KCNH8: variants seen among roughly 807,000 people sequenced by gnomAD.
KCNH8 encodes voltage-gated delayed rectifier potassium channel KCNH8.
A neutral mutation model predicts 103.6 loss-of-function variants in KCNH8; 70 were observed. The observed-to-expected ratio is 0.68, with a 90% confidence interval of 0.56 to 0.82. KCNH8 has a LOEUF of 0.82. Among genes scored for constraint, KCNH8 ranks in the 40% least tolerant of loss-of-function variants. KCNH8 has a pLI of 0.00. For synonymous variants in KCNH8, 498 were observed against 489.4 expected, an observed-to-expected ratio of 1.02 and a Z score of -0.23; for missense variants, 1,217 against 1,329.9, an observed-to-expected ratio of 0.92 and a Z score of 1.32.
intron 7 of KCNH8, among the ~76,000 whole-genome samples, chr3:19,406,830 A>T (rs1312858676): frequency 6.6e-6 from 1 of 152,126 alleles, no homozygotes; most frequent in Non-Finnish European, 1.5e-5. Flanking sequence ...GAGTGTTATA[A>T]AATTAAGAGT....
chr3:19,505,029 GTATATATATACAC>G (rs1038639819), intron 11 of KCNH8, among the ~76,000 whole-genome samples: 25 of 149,420 alleles, frequency 1.7e-4, no homozygotes, highest in African/African-American at 5.9e-4. Context: ...ATATGTATGT[GTATATATATACAC>G]TATATATATA....
chr3:19,291,471 A>G (rs1023800821), intron 3 of KCNH8, among the ~76,000 whole-genome samples: 1 of 152,184 alleles, frequency 6.6e-6, no homozygotes, highest in Non-Finnish European at 1.5e-5. Flanking sequence ...TTCAAAGAAC[A>G]TCTTTATTTC....
At chr3:19,424,216 A>G (rs1018675953) in intron 7 of KCNH8, among the ~76,000 whole-genome samples, 2 of 152,152 alleles carry the variant, frequency 1.3e-5, no homozygotes, top group Non-Finnish European at 2.9e-5. Flanking sequence ...AAGGCTATAC[A>G]ACAGGCTATA....
intron 11 of KCNH8, among the ~76,000 whole-genome samples, chr3:19,491,527 A>G (rs1185892189): frequency 1.3e-5 from 2 of 152,142 alleles, no homozygotes; most frequent in Admixed American, 1.3e-4. Flanking sequence ...TTATGACTGT[A>G]TTACTATGGT....
At chr3:19,212,419 A>G (rs2063779950) in intron 1 of KCNH8, among the ~76,000 whole-genome samples, 4 of 152,096 alleles carry the variant, frequency 2.6e-5, no homozygotes, top group Admixed American at 2.6e-4. Flanking sequence ...CCACTTTCCA[A>G]CAGATGGTTG....
chr3:19,159,456 A>G (rs1219201856), intron 1 of KCNH8, among the ~76,000 whole-genome samples: 2 of 151,998 alleles, frequency 1.3e-5, no homozygotes, highest in African/African-American at 2.4e-5. Context: ...CTACACACCC[A>G]TATTTGTGCC....
chr3:19,375,082 T>G (rs2125119764), intron 5 of KCNH8, among the ~76,000 whole-genome samples: 1 of 151,730 alleles, frequency 6.6e-6, no homozygotes, highest in South Asian at 2.1e-4. Flanking sequence ...CAATTATGTG[T>G]CTTGGAGTTG....
rs900812222 is a variant in KCNH8 at position 19,445,399 on chromosome 3, G to T, written c.1376-4707G>T. Among the ~76,000 whole-genome samples, 8 of 151,892 alleles carry T rather than the reference G, an allele frequency of 5.3e-5. No homozygotes were observed. In the East Asian group the frequency reaches 1.5e-3, roughly 29 times the overall value. On this transcript the variant is annotated intron_variant, in intron 8 of 15. Coordinates refer to ENST00000328405, the MANE Select transcript of KCNH8 (RefSeq NM_144633.3). ...TTGGTTTATTTATCTCGGGTGGTGG[G>T]AGGTAGTGATTCTATAGCTATGTTT...
intron 3 of KCNH8, among the ~76,000 whole-genome samples, chr3:19,330,129 A>G (rs1021355857): frequency 1.3e-5 from 2 of 152,080 alleles, no homozygotes; most frequent in East Asian, 3.9e-4. Context: ...ACCACGCATA[A>G]TGTGTGTAAT....
chr3:19,258,571 C>T (rs1275302449), intron 2 of KCNH8, among the ~76,000 whole-genome samples: 5 of 151,930 alleles, frequency 3.3e-5, no homozygotes, highest in Non-Finnish European at 7.4e-5. Context: ...TACCTGAATC[C>T]TGAACTTAAC....
intron 2 of KCNH8, among the ~76,000 whole-genome samples, chr3:19,266,075 C>G (rs1342920263): frequency 1.3e-5 from 2 of 152,034 alleles, no homozygotes; most frequent in African/African-American, 4.8e-5. Flanking sequence ...CCTGCAATCC[C>G]CAAGTGTGCA....
chr3:19,533,669 C>T lies in KCNH8; in HGVS notation c.2894C>T (p.Ser965Phe). The T allele has an allele frequency of 6.2e-7, 1 of 1,614,098 alleles. No homozygotes were observed. The change falls in exon 16 of 16, where the codon TCT becomes TTT. Residue 965 changes from serine to phenylalanine, a missense_variant. Around this residue, in one of 3 missense-constraint regions of KCNH8, gnomAD observed 558 missense variants for 495.8 expected, o/e 1.13. Coordinates refer to ENST00000328405, the MANE Select transcript of KCNH8 (RefSeq NM_144633.3). ...TSDIWSVDPS[S>F]VGSSPQRTGA... ...GACATTTGGAGTGTGGATCCCTCCT[C>T]TGTGGGGAGCAGCCCCCAACGAACT...
chr3:19,491,643 T>G (rs931908495), intron 11 of KCNH8, among the ~76,000 whole-genome samples: 3 of 152,218 alleles, frequency 2.0e-5, no homozygotes, highest in African/African-American at 7.2e-5. Context: ...AGTGCAGCAA[T>G]GAACATATGA....
intron 5 of KCNH8, among the ~76,000 whole-genome samples, chr3:19,368,717 CT>C (rs1365272594): frequency 2.6e-5 from 4 of 151,846 alleles, no homozygotes; most frequent in African/African-American, 9.7e-5. Context: ...TAAATTTATG[CT>C]GCGTATTTGA....
At chr3:19,459,702 T>C (rs749928420) in intron 11 of KCNH8, among the ~76,000 whole-genome samples, 1 of 152,120 alleles carries the variant, frequency 6.6e-6, no homozygotes, top group African/African-American at 2.4e-5. Context: ...CTTTCCCCTA[T>C]GTTTTCTTTT....
In KCNH8 at chr3:19,531,821, G is replaced by GA. The variant is rs755679651; in HGVS notation, c.2620-1574_2620-1573insA. ...TTGAATGAATCTTCAGTTCAATGAA[G>GA]TTGAACTACCTCTTTTTGTTTCCTG... is the stretch of plus-strand genomic sequence containing the variant. On this transcript the variant is annotated intron_variant, in intron 15 of 15. Coordinates refer to ENST00000328405, the MANE Select transcript of KCNH8 (RefSeq NM_144633.3). Among the ~76,000 whole-genome samples, 740 of 152,306 alleles carry GA rather than the reference G, an allele frequency of 4.9e-3. 3 individuals are homozygous for GA. Among genetic ancestry groups the GA allele is most frequent in the Non-Finnish European group, 7.7e-3 (527 of 68,024 alleles).
At chr3:19,420,974 C>T (rs1333349022) in intron 7 of KCNH8, among the ~76,000 whole-genome samples, 2 of 152,018 alleles carry the variant, frequency 1.3e-5, no homozygotes, top group African/African-American at 2.4e-5. Flanking sequence ...TGTGTGTACA[C>T]ATGCATACGT....
intron 5 of KCNH8, among the ~76,000 whole-genome samples, chr3:19,367,284 C>T (rs938402734): frequency 1.3e-5 from 2 of 151,208 alleles, no homozygotes; most frequent in African/African-American, 2.4e-5. Context: ...CTTGTTACCC[C>T]GATTACCATG....
intron 5 of KCNH8, among the ~76,000 whole-genome samples, chr3:19,376,319 C>G (rs113665209): frequency 1.8e-4 from 28 of 152,312 alleles, no homozygotes; most frequent in Admixed American, 6.5e-4. Flanking sequence ...TTTTTGAAGC[C>G]GGTCGGAAAA....
Sources: allele counts gnomAD v4.1 joint callset (sites outside exome capture counted in the v4.1 genomes callset), GRCh38; gene constraint gnomAD v4.1.1; regional missense constraint gnomAD v4.1.1; transcripts MANE v1.5; gene names NCBI Gene and HGNC (gene_info 2026-07-23, HGNC 2026-07-21).